Variants in CLNK observed in about 807,000 individuals in gnomAD.
CLNK encodes cytokine dependent hematopoietic cell linker.
A neutral mutation model predicts 68.6 loss-of-function variants in CLNK; 74 were observed. The observed-to-expected ratio is 1.08, with a 90% CI of 0.89 to 1.31. CLNK has a LOEUF of 1.31. CLNK is among the 50% of genes most tolerant of loss of function. The pLI is 0.00. For synonymous variants in CLNK, 198 were observed against 172.2 expected (o/e 1.15, Z -1.17); for missense variants, 553 against 515.3 (o/e 1.07, Z -0.71).
chr4:10,553,911 T>C lies in CLNK; in HGVS notation c.445+4496A>G, dbSNP rs147120838. On this transcript the variant is annotated intron_variant, in intron 8 of 18. Coordinates refer to ENST00000226951, the MANE Select transcript of CLNK (RefSeq NM_052964.4). ...GCTGTTCCTTATACTTAGCTGAAAG[T>C]AAAGAGCTGGGGCTGCTTAAAGGTA... is the stretch of plus-strand genomic sequence containing the variant. Among the ~76,000 whole-genome samples the C allele has an allele frequency of 2.7e-3, 406 of 152,292 alleles. 1 individual carries two copies. Among genetic ancestry groups the C allele is most frequent in the African/African-American group, 9.1e-3 (380 of 41,554 alleles).
intron 4 of CLNK, among the ~76,000 whole-genome samples, chr4:10,575,900 C>T (rs1304973036): frequency 1.3e-5 from 2 of 152,200 alleles, no homozygotes; most frequent in Non-Finnish European, 2.9e-5. Context: ...GTAGTCCTCC[C>T]TGATTAAGAC....
At chr4:10,505,667 C>A (rs533848354) in intron 17 of CLNK, among the ~76,000 whole-genome samples, 1 of 152,294 alleles carries the variant, frequency 6.6e-6, no homozygotes, top group South Asian at 2.1e-4. Context: ...ACCTCACTTT[C>A]ATTATCACGT....
chr4:10,692,840 T>G, the CLNK span, among the ~76,000 whole-genome samples: 2 of 152,210 alleles, frequency 1.3e-5, no homozygotes, highest in Non-Finnish European at 1.5e-5. Flanking sequence ...CCTTGTAGAT[T>G]AGCAGATGGA....
chr4:10,676,067 G>GTA (rs1370244104), intron 1 of CLNK, among the ~76,000 whole-genome samples: 2 of 139,908 alleles, frequency 1.4e-5, no homozygotes, highest in Non-Finnish European at 3.3e-5. Context: ...GTGTGTGTGT[G>GTA]TGTGTGTGTG....
intron 7 of CLNK, among the ~76,000 whole-genome samples, chr4:10,564,443 A>G (rs546292522): frequency 5.1e-4 from 78 of 152,312 alleles, no homozygotes; most frequent in African/African-American, 1.8e-3. Flanking sequence ...CTGGCTCACA[A>G]TCTTCCACAC....
the CLNK span, among the ~76,000 whole-genome samples, chr4:10,690,831 G>C: frequency 6.6e-6 from 1 of 152,122 alleles, no homozygotes; most frequent in Non-Finnish European, 1.5e-5. Flanking sequence ...CACCATAAGG[G>C]CTCTCAGAAC....
chr4:10,618,729 G>A (rs1262544654), intron 2 of CLNK, among the ~76,000 whole-genome samples: 1 of 152,202 alleles, frequency 6.6e-6, no homozygotes, highest in Non-Finnish European at 1.5e-5. Context: ...CATGGCAGAA[G>A]CAGGAGCAGG....
At chr4:10,655,375 A>AGAGAGAGAGAGAG (rs71181051) in intron 2 of CLNK, among the ~76,000 whole-genome samples, 1 of 139,362 alleles carries the variant, frequency 7.2e-6, no homozygotes, top group Non-Finnish European at 1.6e-5. Flanking sequence ...AGAGAGAGAG[A>AGAGAGAGAGAGAG]AAGCGAGAGA....
chr4:10,637,501 T>C (rs1723137375), intron 2 of CLNK, among the ~76,000 whole-genome samples: 1 of 148,072 alleles, frequency 6.8e-6, no homozygotes, highest in Admixed American at 6.9e-5. Context: ...ACTTCAGATG[T>C]TTTGGAGCAA....
intron 2 of CLNK, among the ~76,000 whole-genome samples, chr4:10,601,207 G>A (rs946473933): frequency 2.0e-5 from 3 of 152,264 alleles, no homozygotes; most frequent in South Asian, 2.1e-4. Flanking sequence ...ACATCTCTTC[G>A]CCTGTCTCCT....
intron 2 of CLNK, among the ~76,000 whole-genome samples, chr4:10,616,964 A>C: frequency 6.6e-6 from 1 of 152,018 alleles, no homozygotes. Flanking sequence ...TATAGCTAGT[A>C]CATGGCACAC....
intron 14 of CLNK, among the ~76,000 whole-genome samples, chr4:10,522,691 A>C (rs1718131112): frequency 6.6e-6 from 1 of 152,226 alleles, no homozygotes; most frequent in African/African-American, 2.4e-5. Context: ...TAAAGAAGAC[A>C]TGGCCTCTGC....
intron 11 of CLNK, among the ~76,000 whole-genome samples, chr4:10,535,641 T>C (rs980227301): frequency 6.6e-6 from 1 of 152,222 alleles, no homozygotes. Context: ...CCTTTTTAAT[T>C]GTCTTTCAGA....
chr4:10,593,415 G>C (rs1451027638), intron 3 of CLNK, among the ~76,000 whole-genome samples: 6 of 152,132 alleles, frequency 3.9e-5, no homozygotes, highest in African/African-American at 1.4e-4. Context: ...AGGTCTTTGG[G>C]AGGCTGAGGT....
chr4:10,552,284 G>A (rs1719493406), intron 8 of CLNK, among the ~76,000 whole-genome samples: 1 of 152,068 alleles, frequency 6.6e-6, no homozygotes, highest in Non-Finnish European at 1.5e-5. Flanking sequence ...ATGATAATAG[G>A]ACTTGCCCCA....
In CLNK at chr4:10,620,320, T is replaced by C. The variant is rs146017706; in HGVS notation, c.12-22271A>G. 3.2e-4 allele frequency among the ~76,000 whole-genome samples: 49 copies of C among 152,288 alleles called. No homozygotes were observed. The East Asian group carries it at 9.1e-3, about 28-fold the overall frequency. On this transcript the variant is annotated intron_variant, in intron 2 of 18. Transcript: ENST00000226951. ...TGTTGCTTCATTTGGAACCCATTGC[T>C]TTGTCCTTTTCAGAGAGGTTTTGTC...
intron 3 of CLNK, among the ~76,000 whole-genome samples, chr4:10,597,142 G>T (rs890496347): frequency 6.6e-6 from 1 of 152,212 alleles, no homozygotes; most frequent in African/African-American, 2.4e-5. Flanking sequence ...CGCTTATAGT[G>T]TCTGGCACAT....
chr4:10,516,141 T>G (rs113738542), intron 15 of CLNK, among the ~76,000 whole-genome samples: 77 of 152,224 alleles, frequency 5.1e-4, no homozygotes, highest in African/African-American at 1.8e-3. Context: ...TCTGTGAATG[T>G]TTTGGTAATT....
chr4:10,516,550 G>A (rs1008815384), intron 15 of CLNK, among the ~76,000 whole-genome samples: 1 of 73,040 alleles, frequency 1.4e-5, no homozygotes, highest in African/African-American at 5.4e-5. Flanking sequence ...AAGGATTGTA[G>A]CTTTTTTTTT....
Sources: gnomAD v4.1 joint callset for allele counts (sites outside exome capture counted in the v4.1 genomes callset) on GRCh38, gnomAD v4.1.1 for gene constraint, MANE v1.5 for transcripts, NCBI Gene and HGNC (gene_info 2026-07-23, HGNC 2026-07-21) for gene names.